The following HDGF variants were observed in gnomAD, a reference collection of about 807,000 sequenced individuals.
The protein encoded by HDGF is heparin binding growth factor.
Under a neutral mutation model 30.0 loss-of-function variants are expected in HDGF, and 5 were observed. That is an observed-to-expected ratio of 0.17 (90% CI 0.09 to 0.35). The LOEUF is 0.35. Ranked by LOEUF, HDGF falls within the 10% of genes least tolerant of loss-of-function variation. HDGF has a pLI of 1.00. For synonymous variants in HDGF, 133 were observed against 112.7 expected (o/e 1.18, Z -1.14); for missense variants, 214 against 302.8 (o/e 0.71, Z 2.18).
At chr1:156,765,509 C>T (rs1330889403) in intron 1 of HDGF, among the ~76,000 whole-genome samples, 2 of 110,550 alleles carry the variant, frequency 1.8e-5, no homozygotes, top group African/African-American at 6.9e-5. Context: ...GAGTCTTGCA[C>T]ACTTGCCTGG....
intron 1 of HDGF, among the ~76,000 whole-genome samples, chr1:156,763,320 C>G (rs1400021918): frequency 6.6e-6 from 1 of 151,474 alleles, no homozygotes; most frequent in African/African-American, 2.4e-5. Context: ...TCAAGTGATT[C>G]TCCTGCTTCA....
At chr1:156,755,078 C>G (rs758473003), upstream of HDGF, among the ~76,000 whole-genome samples, 1 of 152,184 alleles carries the variant, frequency 6.6e-6, no homozygotes, top group Non-Finnish European at 1.5e-5. Flanking sequence ...TAAAACAACA[C>G]GACTCACAAG....
intron 2 of HDGF, among the ~76,000 whole-genome samples, chr1:156,758,568 G>A (rs1213590588): frequency 3.4e-5 from 5 of 145,782 alleles, no homozygotes; most frequent in African/African-American, 1.0e-4. Flanking sequence ...ACTCCAGCCT[G>A]GGTGACAGAG....
chr1:156,753,509 C>T (rs1651086003), upstream of HDGF, among the ~76,000 whole-genome samples: 1 of 152,206 alleles, frequency 6.6e-6, no homozygotes, highest in Non-Finnish European at 1.5e-5. Context: ...GAATAAGTCT[C>T]CAGCATCAGA....
At chr1:156,747,488 C>T (rs1182572224) in intron 1 of HDGF, 3 of 151,850 alleles carry the variant, frequency 2.0e-5, no homozygotes, top group Non-Finnish European at 4.4e-5. Context: ...GGTCCTGTTA[C>T]CAGCTAGCTC....
rs751278895 is a variant in HDGF at position 156,745,330 on chromosome 1, T to C, written c.131A>G (p.Lys44Arg). 6.2e-7 allele frequency: 1 copy of C among 1,613,870 alleles called. No individual in the cohort carries two copies. The highest frequency in any genetic ancestry group is 2.2e-5 in the East Asian group (1 of 44,842). ...PEAAVKSTAN[K>R]YQVFFFGTHE... ...GGTCCCGAAAAAAAAGACTTGGTATTTGTTGGCTGTTGATTTCACGGCAGC... is the reference window on the plus strand; with the variant it reads ...GGTCCCGAAAAAAAAGACTTGGTATCTGTTGGCTGTTGATTTCACGGCAGC... Residue 44 changes from lysine (K) to arginine (R), a missense_variant, in exon 2 of 6, where the codon AAA (lysine) becomes AGA (arginine). Lys to Arg is a conservative substitution (Grantham distance 26). This residue lies in a region of HDGF where 38 missense variants were observed against 91.1 expected (regional missense o/e 0.42). Transcript: ENST00000357325.
intron 1 of HDGF, among the ~76,000 whole-genome samples, chr1:156,764,591 C>A (rs1651318511): frequency 6.6e-6 from 1 of 152,080 alleles, no homozygotes; most frequent in Non-Finnish European, 1.5e-5. Context: ...TTATCAATTT[C>A]TTGCTTGAAA....
At chr1:156,756,120 C>T (rs765927296), upstream of HDGF, among the ~76,000 whole-genome samples, 1 of 152,058 alleles carries the variant, frequency 6.6e-6, no homozygotes, top group Non-Finnish European at 1.5e-5. Flanking sequence ...GGTGTGGTGG[C>T]GGGCCCCTGT....
intron 1 of HDGF, among the ~76,000 whole-genome samples, chr1:156,762,886 CA>C (rs1036462714): frequency 2.7e-5 from 4 of 149,166 alleles, no homozygotes; most frequent in East Asian, 3.9e-4. Context: ...AAAAAAAAAC[CA>C]AAAAAAAACT....
At chr1:156,762,683 C>A (rs1384789178) in intron 1 of HDGF, among the ~76,000 whole-genome samples, 1 of 152,050 alleles carries the variant, frequency 6.6e-6, no homozygotes, top group Non-Finnish European at 1.5e-5. Flanking sequence ...CCAGCCTGAC[C>A]AACATGGAGA....
chr1:156,757,416 A>G (rs948950893), upstream of HDGF, among the ~76,000 whole-genome samples: 1 of 152,106 alleles, frequency 6.6e-6, no homozygotes, highest in Non-Finnish European at 1.5e-5. Flanking sequence ...CAGTGAGCCG[A>G]GATCACGCCA....
At chr1:156,761,623 C>CA (rs1342129682) in intron 1 of HDGF, among the ~76,000 whole-genome samples, 2 of 138,878 alleles carry the variant, frequency 1.4e-5, no homozygotes, top group East Asian at 2.1e-4. Flanking sequence ...CAAAACAAAA[C>CA]AAAAAACAAA....
chr1:156,765,472 CTTTTTT>C (rs71080793), intron 1 of HDGF, among the ~76,000 whole-genome samples: 4 of 85,982 alleles, frequency 4.7e-5, no homozygotes, highest in South Asian at 4.5e-4. Context: ...TTCTTTCTTT[CTTTTTT>C]TTTTTTTTTT....
chr1:156,744,562 G>C (rs993070755), intron 3 of HDGF: 10 of 1,533,008 alleles, frequency 6.5e-6, no homozygotes, highest in East Asian at 2.5e-5. Context: ...TGTGCAGGAG[G>C]GGGGAGGGCT....
At chr1:156,747,135 T>A (rs1266155966) in intron 1 of HDGF, among the ~76,000 whole-genome samples, 1 of 143,616 alleles carries the variant, frequency 7.0e-6, no homozygotes, top group Non-Finnish European at 1.5e-5. Flanking sequence ...GAGCAGGGGG[T>A]GGAAAGGCAC....
At chr1:156,759,544 C>T (rs1651210586) in intron 1 of HDGF, among the ~76,000 whole-genome samples, 2 of 147,026 alleles carry the variant, frequency 1.4e-5, no homozygotes, top group Middle Eastern at 3.3e-3. Context: ...TGCAGTGGCG[C>T]GTTTTCCGCT....
At chr1:156,744,681 C>T in intron 3 of HDGF, 1 of 586,546 alleles carries the variant, frequency 1.7e-6, no homozygotes, top group East Asian at 4.6e-5. Context: ...GGCTCACAAG[C>T]ACCTCCTCCT....
intron 2 of HDGF, among the ~76,000 whole-genome samples, chr1:156,758,603 ATAAAT>A (rs1455187152): frequency 5.0e-4 from 12 of 23,970 alleles, no homozygotes; most frequent in South Asian, 1.3e-3. Context: ...AAAAAAAAAA[ATAAAT>A]AAATAAATAA....
chr1:156,753,215 T>C (rs1420156565), upstream of HDGF, among the ~76,000 whole-genome samples: 5 of 152,140 alleles, frequency 3.3e-5, no homozygotes, highest in Non-Finnish European at 5.9e-5. Context: ...CTCTCAACCA[T>C]AGTTCCCCTT....
Sources: allele counts gnomAD v4.1 joint callset (sites outside exome capture counted in the v4.1 genomes callset), GRCh38; gene constraint gnomAD v4.1.1; regional missense constraint gnomAD v4.1.1; transcripts MANE v1.5; gene names NCBI Gene and HGNC (gene_info 2026-07-23, HGNC 2026-07-21).